Variants in PRKCA observed in about 807,000 individuals in gnomAD.
PRKCA encodes protein kinase C alpha type.
In PRKCA, 27 loss-of-function variants were observed where a neutral mutation model predicts 87.0. The ratio of observed to expected loss-of-function variants is 0.31; its 90% CI spans 0.23 to 0.43. The LOEUF (loss-of-function observed/expected upper bound fraction) is 0.43, where lower values mean the gene tolerates loss of function less well. Among genes scored for constraint, PRKCA ranks in the 20% least tolerant of loss-of-function variants. The pLI is 1.00. For missense variants in PRKCA, 518 were observed against 852.3 expected, an observed-to-expected ratio of 0.61 and a Z score of 4.88; for synonymous variants, 329 against 311.1, an observed-to-expected ratio of 1.06 and a Z score of -0.61.
intron 2 of PRKCA, among the ~76,000 whole-genome samples, chr17:66,366,894 T>G (rs1908762269): frequency 1.3e-5 from 2 of 152,214 alleles, no homozygotes; most frequent in African/African-American, 2.4e-5. Context: ...GAGCAAATTT[T>G]AAATTAAATC....
intron 3 of PRKCA, among the ~76,000 whole-genome samples, chr17:66,591,212 G>A (rs1378941123): frequency 1.3e-5 from 2 of 152,142 alleles, no homozygotes; most frequent in Admixed American, 6.5e-5. Flanking sequence ...GAATGTAGCG[G>A]CATGATCAGG....
intron 2 of PRKCA, among the ~76,000 whole-genome samples, chr17:66,489,251 T>A (rs1487450443): frequency 6.6e-6 from 1 of 151,416 alleles, no homozygotes; most frequent in East Asian, 1.9e-4. Flanking sequence ...TGTGTTCCGT[T>A]TTACATGACT....
intron 5 of PRKCA, among the ~76,000 whole-genome samples, chr17:66,672,089 G>C (rs1213205854): frequency 6.6e-6 from 1 of 152,154 alleles, no homozygotes; most frequent in Non-Finnish European, 1.5e-5. Flanking sequence ...GAAAGGGCAA[G>C]GTTTTTGTAA....
chr17:66,649,077 G>A (rs1451751832), intron 5 of PRKCA, among the ~76,000 whole-genome samples: 3 of 147,832 alleles, frequency 2.0e-5, no homozygotes, highest in South Asian at 4.3e-4. Flanking sequence ...CAGCCTGGGC[G>A]ACAGAGCGAG....
chr17:66,562,071 TA>T (rs1431907136), intron 3 of PRKCA, among the ~76,000 whole-genome samples: 8 of 122,410 alleles, frequency 6.5e-5, no homozygotes, highest in Non-Finnish European at 9.1e-5. Flanking sequence ...TATATATAAT[TA>T]AATTATATAT....
At chr17:66,337,805 C>A (rs1269511839) in intron 2 of PRKCA, among the ~76,000 whole-genome samples, 3 of 152,086 alleles carry the variant, frequency 2.0e-5, no homozygotes, top group Non-Finnish European at 4.4e-5. Flanking sequence ...GGCTTTTTGA[C>A]TTCTCTTTGA....
intron 2 of PRKCA, among the ~76,000 whole-genome samples, chr17:66,358,365 T>A (rs1024713531): frequency 6.6e-6 from 1 of 152,160 alleles, no homozygotes; most frequent in Non-Finnish European, 1.5e-5. Flanking sequence ...AATTGATGCT[T>A]TGAATGGCTG....
chr17:66,566,024 CTGAAGATGT>C (rs1262930490), intron 3 of PRKCA, among the ~76,000 whole-genome samples: 1 of 152,044 alleles, frequency 6.6e-6, no homozygotes, highest in Non-Finnish European at 1.5e-5. Context: ...TTTGTGAGCC[CTGAAGATGT>C]TGGGGATTTA....
intron 2 of PRKCA, among the ~76,000 whole-genome samples, chr17:66,374,719 CTTT>C (rs35431248): frequency 8.6e-6 from 1 of 115,814 alleles, no homozygotes; most frequent in Non-Finnish European, 1.7e-5. Flanking sequence ...GAGTTGCATT[CTTT>C]TTTTTTTTTT....
chr17:66,377,719 ATATT>A (rs1909536904), intron 2 of PRKCA, among the ~76,000 whole-genome samples: 2 of 37,164 alleles, frequency 5.4e-5, no homozygotes, highest in Admixed American at 4.5e-4. Context: ...ATATATATAT[ATATT>A]TTTTTTTTTT....
intron 8 of PRKCA, among the ~76,000 whole-genome samples, chr17:66,724,405 G>A (rs1973691018): frequency 6.6e-6 from 1 of 152,182 alleles, no homozygotes; most frequent in South Asian, 2.1e-4. Flanking sequence ...AGAGCCATGG[G>A]GGTCTCCAGC....
chr17:66,594,113 T>C (rs1319602834), intron 3 of PRKCA, among the ~76,000 whole-genome samples: 1 of 152,156 alleles, frequency 6.6e-6, no homozygotes, highest in Non-Finnish European at 1.5e-5. Context: ...CTATCCCACA[T>C]TGGTGGTTTC....
intron 2 of PRKCA, among the ~76,000 whole-genome samples, chr17:66,359,273 A>G (rs1187086807): frequency 2.6e-5 from 4 of 152,212 alleles, no homozygotes; most frequent in Non-Finnish European, 5.9e-5. Context: ...CTAATAGCCC[A>G]CAGACACGCG....
At chr17:66,372,994 G>A (rs1909205025) in intron 2 of PRKCA, among the ~76,000 whole-genome samples, 3 of 152,104 alleles carry the variant, frequency 2.0e-5, no homozygotes, top group Admixed American at 1.3e-4. Context: ...GGGAGGTGGA[G>A]GTTGCAGTGA....
intron 5 of PRKCA, among the ~76,000 whole-genome samples, chr17:66,676,114 G>T (rs1972321332): frequency 6.6e-6 from 1 of 152,180 alleles, no homozygotes; most frequent in African/African-American, 2.4e-5. Context: ...GTGGCGACGT[G>T]AGGGAACTGG....
chr17:66,727,094 C>T (rs140363617), intron 8 of PRKCA, among the ~76,000 whole-genome samples: 508 of 152,242 alleles, frequency 3.3e-3, no homozygotes, highest in African/African-American at 0.011. Context: ...TTTTGCTGCC[C>T]GTGGGCTAGG....
At chr17:66,475,464 G>T (rs1428555041) in intron 2 of PRKCA, among the ~76,000 whole-genome samples, 1 of 152,196 alleles carries the variant, frequency 6.6e-6, no homozygotes, top group Non-Finnish European at 1.5e-5. Context: ...ACTCAGTGGA[G>T]TCTTGATCGC....
intron 2 of PRKCA, among the ~76,000 whole-genome samples, chr17:66,479,433 C>G (rs56362112): frequency 0.43 from 65,135 of 151,972 alleles, 14,467 homozygotes; most frequent in African/African-American, 0.54. Context: ...AACCATTGTG[C>G]AAGACAGTAT....
chr17:66,637,857 T>C (rs1334149031), intron 3 of PRKCA, among the ~76,000 whole-genome samples: 1 of 152,130 alleles, frequency 6.6e-6, no homozygotes, highest in Non-Finnish European at 1.5e-5. Context: ...TACTATGCCT[T>C]TCTAACAAGT....
Sources: gnomAD v4.1 joint callset for allele counts (sites outside exome capture counted in the v4.1 genomes callset) on GRCh38, gnomAD v4.1.1 for gene constraint, MANE v1.5 for transcripts, NCBI Gene and HGNC (gene_info 2026-07-23, HGNC 2026-07-21) for gene names.